Variants in MAP3K10 observed in about 807,000 individuals in gnomAD.
MAP3K10 encodes the protein MKN28 derived nonreceptor_type serine/threonine kinase.
In MAP3K10, 22 loss-of-function variants were observed where a neutral mutation model predicts 75.0. That is an observed-to-expected ratio of 0.29 (90% CI 0.21 to 0.42). The LOEUF (loss-of-function observed/expected upper bound fraction) is 0.42. MAP3K10 is among the 10% of genes least tolerant of loss of function. The pLI, the probability that MAP3K10 is intolerant of heterozygous loss-of-function variation, is 1.00. For missense variants in MAP3K10, 1,165 were observed against 1,379.8 expected (o/e 0.84, Z 2.47); for synonymous variants, 599 against 612.9 (o/e 0.98, Z 0.34).
chr19:40,214,905 C>T (rs1326545976), intron 9 of MAP3K10, 65 bp from the exon 10 acceptor site: 7 of 739,966 alleles, frequency 9.5e-6, no homozygotes, highest in African/African-American at 5.2e-5. Context: ...CATGTAACAG[C>T]TCTGGGCTTT....
chr19:40,203,117 G>A (rs1015616709), intron 2 of MAP3K10, among the ~76,000 whole-genome samples: 16 of 152,114 alleles, frequency 1.1e-4, no homozygotes, highest in Non-Finnish European at 1.9e-4. Flanking sequence ...TGAGGCAGGC[G>A]GAACCTGAGG....
In MAP3K10 at chr19:40,205,131, C is replaced by T. The variant is rs755961486; in HGVS notation, c.1023C>T (p.Asp341=). The stretch of plus-strand genomic sequence containing the variant: ...CTCCTCCCACCCCAGAATGCTGGGA[C>T]CCAGACCCCCACGGGCGGCCAGATT... The part of the protein sequence containing the change: ...PFARLLEECW[D]PDPHGRPDFG... The change falls in exon 4 of 10, where the codon GAC becomes GAT. Residue 341 remains aspartate, a synonymous_variant. Coordinates refer to ENST00000253055, the MANE Select transcript of MAP3K10 (RefSeq NM_002446.4). This position sits in a 1 kb window ranked among gnomAD's most constrained non-coding sequence, Gnocchi z 4.3. 1 of 1,612,916 alleles carries T rather than the reference C, an allele frequency of 6.2e-7. No individual in the cohort carries two copies. Among genetic ancestry groups the T allele is most frequent in the Non-Finnish European group, 8.5e-7 (1 of 1,180,024 alleles).
chr19:40,197,878 C>A (rs1409043671), intron 1 of MAP3K10, among the ~76,000 whole-genome samples: 1 of 151,966 alleles, frequency 6.6e-6, no homozygotes, highest in East Asian at 1.9e-4. Context: ...ATTGCCCAGG[C>A]TGGAGTGCAA....
intron 5 of MAP3K10, among the ~76,000 whole-genome samples, chr19:40,208,739 C>G (rs183062880): frequency 1.3e-5 from 2 of 151,870 alleles, no homozygotes; most frequent in East Asian, 3.9e-4. Context: ...TCCCCCATTG[C>G]ACAAGCCACA....
At chr19:40,208,565 T>A (rs1000708018) in intron 5 of MAP3K10, among the ~76,000 whole-genome samples, 1 of 150,860 alleles carries the variant, frequency 6.6e-6, no homozygotes, top group Non-Finnish European at 1.5e-5. Flanking sequence ...TGGCTGGGCA[T>A]GGTGGCTCAC....
At chr19:40,211,317 CTTT>C (rs57347451) in intron 6 of MAP3K10, among the ~76,000 whole-genome samples, 8 of 133,182 alleles carry the variant, frequency 6.0e-5, no homozygotes, top group Admixed American at 1.5e-4. Flanking sequence ...ATTTTCCTTT[CTTT>C]TTTTTTTTTT....
At position 40,205,813 on chromosome 19, in the gene MAP3K10, C is replaced by G. The variant is rs1973108763; in HGVS notation, c.1189-98C>G. 1 of 1,314,886 alleles carries G rather than the reference C, an allele frequency of 7.6e-7. No homozygotes were observed. The highest frequency in any genetic ancestry group is 1.6e-5 in the South Asian group (1 of 64,282). 81.5% of individuals were successfully genotyped at this position (1,314,886 alleles called of 1,614,324 possible). ...CCAGTGTACCCCACAGCAAGGTACC[C>G]TTGTGTGAGGCACCAACCAGACGCA... On this transcript the variant is annotated intron_variant, in intron 4 of 9. Transcript: ENST00000253055. This position sits in a 1 kb window ranked among gnomAD's most constrained non-coding sequence, Gnocchi z 4.3.
At chr19:40,200,730 T>C (rs191171746) in intron 2 of MAP3K10, among the ~76,000 whole-genome samples, 23 of 151,262 alleles carry the variant, frequency 1.5e-4, no homozygotes, top group Admixed American at 1.4e-3. Context: ...GTGATTCTTG[T>C]GCCTCAGCCT....
At chr19:40,207,048 GAGAT>G (rs1182368275) in intron 5 of MAP3K10, among the ~76,000 whole-genome samples, 17 of 152,130 alleles carry the variant, frequency 1.1e-4, no homozygotes, top group Admixed American at 7.9e-4. Flanking sequence ...GCAGTGAGCC[GAGAT>G]TGTGCCACTG....
chr19:40,205,857 C>T lies in MAP3K10; in HGVS notation c.1189-54C>T. 6.9e-7 allele frequency: 1 copy of T among 1,459,146 alleles called. No individual in the cohort carries two copies. Among genetic ancestry groups the T allele is most frequent in the Middle Eastern group, 2.4e-4 (1 of 4,248 alleles). The allele number at this position is 1,459,146 out of a possible 1,614,324, so 90.4% of individuals were successfully genotyped here. A position where few individuals can be genotyped will look rare whatever the true frequency, so the allele number is the denominator to read the frequency against. On this transcript the variant is annotated intron_variant, in intron 4 of 9. Coordinates refer to ENST00000253055, the MANE Select transcript of MAP3K10 (RefSeq NM_002446.4). This position sits in a 1 kb window ranked among gnomAD's most constrained non-coding sequence, Gnocchi z 4.3. ...AGACGCAGCAGCCCTGGGTCCCTCC[C>T]CAGGAAGCAGAGCAGCTAAGCCCCT...
chr19:40,210,827 C>T (rs1457928243), intron 6 of MAP3K10, among the ~76,000 whole-genome samples: 2 of 152,152 alleles, frequency 1.3e-5, no homozygotes, highest in Non-Finnish European at 2.9e-5. Context: ...CCTTCCTAGA[C>T]AAAAAGAGCT....
Position 40,205,265 on chromosome 19 carries a change from A to C in MAP3K10, c.1157A>C (p.His386Pro). The change falls in exon 4 of 10, where the codon CAC (histidine) becomes CCC (proline). Residue 386 changes from histidine to proline, a missense_variant. This residue lies in a region of MAP3K10 where 575 missense variants were observed against 793.2 expected (regional missense o/e 0.72). Coordinates refer to ENST00000253055, the MANE Select transcript of MAP3K10 (RefSeq NM_002446.4). The surrounding 1 kb of genome is among the most constrained non-coding windows in gnomAD (Gnocchi z 4.3). ...LQEDWKLEIQ[H>P]MFDDLRTKEK... ...GAAGACTGGAAGCTGGAGATTCAGC[A>C]CATGTTTGATGACCTTCGGACCAAG... The C allele has an allele frequency of 6.2e-7, 1 of 1,614,100 alleles. No individual in the cohort carries two copies. The highest frequency in any genetic ancestry group is 8.5e-7 in the Non-Finnish European group (1 of 1,180,032).
rs770474094 is a variant in MAP3K10 at position 40,213,220 on chromosome 19, G to A, written c.1837+32G>A. ...GCCTGGGTTCTTGTAAGGGGGTGGG[G>A]GTTCCCTGGCCAAAGGGGTGAGCCT... On this transcript the variant is annotated intron_variant, in intron 8 of 9. Transcript: ENST00000253055. The surrounding 1 kb of genome is among the most constrained non-coding windows in gnomAD (Gnocchi z 5.7). 4.2e-5 allele frequency: 65 copies of A among 1,531,664 alleles called. No homozygotes were observed. In the South Asian group the frequency reaches 7.7e-4, roughly 18 times the overall value. The allele number at this position is 1,531,664 out of a possible 1,614,324, so 94.9% of individuals were successfully genotyped here.
At position 40,198,586 on chromosome 19, in the gene MAP3K10, G is replaced by A. The variant is rs778680500; in HGVS notation, c.863+31G>A. The A allele has an allele frequency of 1.3e-6, 2 of 1,578,230 alleles. No individual in the cohort carries two copies. Among genetic ancestry groups the A allele is most frequent in the East Asian group, 2.3e-5 (1 of 44,048 alleles). ...GAAAGGCGCGGCCGGGATGGCCTCTGGGGAGTAAGGGAGGGAGGAAGGGGT... is the reference window on the plus strand; with the variant it reads ...GAAAGGCGCGGCCGGGATGGCCTCTAGGGAGTAAGGGAGGGAGGAAGGGGT... On this transcript the variant is annotated intron_variant, in intron 2 of 9. Transcript: ENST00000253055. This position sits in a 1 kb window ranked among gnomAD's most constrained non-coding sequence, Gnocchi z 4.3.
rs1189489230 is a variant in MAP3K10, at chr19:40,204,450, C to G, written c.864-35C>G. On this transcript the variant is annotated intron_variant, in intron 2 of 9. Coordinates refer to ENST00000253055, the MANE Select transcript of MAP3K10 (RefSeq NM_002446.4). The surrounding 1 kb of genome is among the most constrained non-coding windows in gnomAD (Gnocchi z 4.3). ...GGGTATAGGTGAGGATTGGGGTGGG[C>G]TGCGACATCACCCCTCCCTCTCCCC... 3 of 1,597,680 alleles carry G rather than the reference C, an allele frequency of 1.9e-6. No individual in the cohort carries two copies. The highest frequency in any genetic ancestry group is 2.6e-6 in the Non-Finnish European group (3 of 1,173,460).
At chr19:40,206,568 C>T (rs1163532154) in intron 5 of MAP3K10, among the ~76,000 whole-genome samples, 1 of 151,144 alleles carries the variant, frequency 6.6e-6, no homozygotes, top group African/African-American at 2.4e-5. Flanking sequence ...AGAGCAAGAC[C>T]CTATCTCTAA....
At chr19:40,201,104 A>G (rs951120847) in intron 2 of MAP3K10, among the ~76,000 whole-genome samples, 10 of 150,034 alleles carry the variant, frequency 6.7e-5, no homozygotes, top group Admixed American at 4.0e-4. Context: ...TTTCTCCCCC[A>G]CCTTGTATGG....
At chr19:40,197,900 T>A (rs1405765685) in intron 1 of MAP3K10, among the ~76,000 whole-genome samples, 1 of 151,942 alleles carries the variant, frequency 6.6e-6, no homozygotes, top group African/African-American at 2.4e-5. Flanking sequence ...GGCAAGACCA[T>A]GGCTCACTGC....
At position 40,204,271 on chromosome 19, in the gene MAP3K10, G is replaced by T. The variant is rs767722757; in HGVS notation, c.864-214G>T. 6.6e-6 allele frequency among the ~76,000 whole-genome samples: 1 copy of T among 152,190 alleles called. No homozygotes were observed. The highest frequency in any genetic ancestry group is 1.5e-5 in the Non-Finnish European group (1 of 68,032). On this transcript the variant is annotated intron_variant, in intron 2 of 9. Coordinates refer to ENST00000253055, the MANE Select transcript of MAP3K10 (RefSeq NM_002446.4). This position sits in a 1 kb window ranked among gnomAD's most constrained non-coding sequence, Gnocchi z 4.3. ...AGATTTTCAGGCAGGGGAGAGGGAA[G>T]ACAGGCCGAGCAAAGGAGAGACATC...
Sources: gnomAD v4.1 joint callset for allele counts (sites outside exome capture counted in the v4.1 genomes callset) on GRCh38, gnomAD v4.1.1 for gene constraint, gnomAD v4.1.1 regional missense constraint, Gnocchi (gnomAD v3.1) non-coding constraint, MANE v1.5 for transcripts, NCBI Gene and HGNC (gene_info 2026-07-23, HGNC 2026-07-21) for gene names.